The following RANBP17 variants were observed in gnomAD, a reference collection of about 807,000 sequenced individuals.
RANBP17 encodes the protein ran-binding protein 17.
A neutral mutation model predicts 141.2 loss-of-function variants in RANBP17; 158 were observed. The ratio of observed to expected loss-of-function variants is 1.12; its 90% CI spans 0.98 to 1.28. RANBP17 has a LOEUF of 1.28. Ranked by LOEUF, RANBP17 falls within the 50% of genes most tolerant of loss-of-function variation. The pLI is 0.00. For missense variants in RANBP17, 1,438 were observed against 1,290.7 expected (o/e 1.11, Z -1.75); for synonymous variants, 430 against 450.0 (o/e 0.96, Z 0.56).
intron 14 of RANBP17, among the ~76,000 whole-genome samples, chr5:171,097,832 T>C (rs1786814304): frequency 6.6e-6 from 1 of 151,786 alleles, no homozygotes; most frequent in Non-Finnish European, 1.5e-5. Context: ...TTCCCCTCCC[T>C]GTGTCCATGT....
At chr5:171,166,794 G>A (rs1433944860) in intron 14 of RANBP17, among the ~76,000 whole-genome samples, 1 of 152,128 alleles carries the variant, frequency 6.6e-6, no homozygotes, top group Non-Finnish European at 1.5e-5. Flanking sequence ...TCTTTTAAAA[G>A]AAACACTGTA....
chr5:171,061,596 T>C (rs1253646147), intron 14 of RANBP17, among the ~76,000 whole-genome samples: 1 of 152,174 alleles, frequency 6.6e-6, no homozygotes, highest in African/African-American at 2.4e-5. Context: ...GTGGTGAATT[T>C]TGGAATAGGT....
chr5:170,978,521 A>G (rs1404372910), intron 14 of RANBP17, among the ~76,000 whole-genome samples: 1 of 152,204 alleles, frequency 6.6e-6, no homozygotes, highest in Admixed American at 6.5e-5. Flanking sequence ...ACGATTTAAA[A>G]AAAGAAAAAC....
chr5:171,221,374 T>C (rs1763544143), intron 21 of RANBP17, among the ~76,000 whole-genome samples: 1 of 152,192 alleles, frequency 6.6e-6, no homozygotes, highest in Non-Finnish European at 1.5e-5. Context: ...GTAGGAAATC[T>C]CAAATGGAAA....
At chr5:171,017,931 T>A (rs1780566454) in intron 14 of RANBP17, among the ~76,000 whole-genome samples, 1 of 152,176 alleles carries the variant, frequency 6.6e-6, no homozygotes, top group East Asian at 1.9e-4. Context: ...AATTTTTGTA[T>A]AAGGTGTAAG....
At chr5:170,955,576 C>CTG (rs1282108015) in intron 13 of RANBP17, among the ~76,000 whole-genome samples, 923 of 17,198 alleles carry the variant, frequency 0.054, 58 homozygotes, top group African/African-American at 0.092. Context: ...TATGCTCAGT[C>CTG]TGTGTGTATA....
chr5:171,064,721 A>G (rs777927702), intron 14 of RANBP17, among the ~76,000 whole-genome samples: 106 of 151,870 alleles, frequency 7.0e-4, no homozygotes, highest in Non-Finnish European at 1.4e-3. Context: ...GGGTTTCTCC[A>G]TGTTGCGTAG....
Position 171,205,562 on chromosome 5 carries a change from T to A in RANBP17, c.2181T>A (p.Ile727=), listed in dbSNP as rs1202688921. Residue 727 remains isoleucine, a synonymous_variant, in exon 20 of 28, where the codon ATT becomes ATA. Coordinates refer to ENST00000523189, the MANE Select transcript of RANBP17 (RefSeq NM_022897.5). Reference sequence around the variant, plus strand: ...GGCTGGCAAGAGATCTTCGAGGGATTGCCTTTGCACTGAACACAAAGACCA... The same window carrying A: ...GGCTGGCAAGAGATCTTCGAGGGATAGCCTTTGCACTGAACACAAAGACCA... ...LIGLARDLRG[I]AFALNTKTSY... is the part of the protein sequence containing the mutation. 2.5e-6 allele frequency: 4 copies of A among 1,613,932 alleles called. No individual in the cohort carries two copies. The highest frequency in any genetic ancestry group is 3.4e-6 in the Non-Finnish European group (4 of 1,179,966).
chr5:171,297,078 G>C (rs1768865998), intron 27 of RANBP17, among the ~76,000 whole-genome samples: 1 of 152,194 alleles, frequency 6.6e-6, no homozygotes, highest in Non-Finnish European at 1.5e-5. Context: ...ACAGAACGCA[G>C]TGAAACATGG....
intron 14 of RANBP17, among the ~76,000 whole-genome samples, chr5:171,065,883 C>T (rs765235980): frequency 1.2e-4 from 18 of 151,552 alleles, no homozygotes; most frequent in Non-Finnish European, 1.6e-4. Context: ...TTTTTTGAGA[C>T]GGAGTCTCAC....
chr5:171,237,302 A>G (rs912325474), intron 22 of RANBP17, among the ~76,000 whole-genome samples: 1 of 152,206 alleles, frequency 6.6e-6, no homozygotes, highest in Non-Finnish European at 1.5e-5. Flanking sequence ...TATTTCTAAT[A>G]AGCCAAATTA....
rs374186703 is a variant in RANBP17 at position 170,931,489 on chromosome 5, A to G, written c.1468+6939A>G. The stretch of plus-strand genomic sequence containing the variant: ...AGAAATGAAGTCCTTGCCCATGCCT[A>G]TGTCCTGAATGGTATTGCTTAGGTT... On this transcript the variant is annotated intron_variant, in intron 12 of 27. Coordinates refer to ENST00000523189, the MANE Select transcript of RANBP17 (RefSeq NM_022897.5). Among the ~76,000 whole-genome samples the G allele has an allele frequency of 2.6e-4, 39 of 152,322 alleles. 1 individual carries two copies. In the East Asian group the frequency reaches 6.0e-3, roughly 23 times the overall value.
chr5:171,149,759 C>CTTAAAT (rs1291971647), intron 14 of RANBP17, among the ~76,000 whole-genome samples: 1 of 152,186 alleles, frequency 6.6e-6, no homozygotes. Flanking sequence ...AAATAATTCT[C>CTTAAAT]TTAAATCTAT....
intron 16 of RANBP17, among the ~76,000 whole-genome samples, chr5:171,178,800 T>G (rs1440437042): frequency 6.6e-6 from 1 of 152,260 alleles, no homozygotes; most frequent in Non-Finnish European, 1.5e-5. Context: ...CATATGGTTG[T>G]TGGCCACATA....
At chr5:170,977,757 A>G (rs1777484068) in intron 14 of RANBP17, among the ~76,000 whole-genome samples, 1 of 152,140 alleles carries the variant, frequency 6.6e-6, no homozygotes, top group African/African-American at 2.4e-5. Context: ...AACAAATACC[A>G]CATGATTCCA....
chr5:171,091,637 G>A lies in RANBP17; in HGVS notation c.1711-78493G>A, dbSNP rs375588359. Among the ~76,000 whole-genome samples, 8 of 152,306 alleles carry A rather than the reference G, an allele frequency of 5.3e-5. No homozygotes were observed. In the East Asian group the frequency reaches 1.4e-3, roughly 26 times the overall value. Reference sequence around the variant, plus strand: ...CCCAAATCTCATCTTGAATTCCCATGTGTTGTGGGAGGGACCTGGTGGGAG... The same window carrying A: ...CCCAAATCTCATCTTGAATTCCCATATGTTGTGGGAGGGACCTGGTGGGAG... On this transcript the variant is annotated intron_variant, in intron 14 of 27. Transcript: ENST00000523189.
At chr5:171,170,470 T>C (rs770489490) in intron 15 of RANBP17, among the ~76,000 whole-genome samples, 1 of 151,998 alleles carries the variant, frequency 6.6e-6, no homozygotes, top group Non-Finnish European at 1.5e-5. Flanking sequence ...TTACAGACCT[T>C]GACTCTTCAG....
At chr5:171,213,794 A>C in intron 21 of RANBP17, 56 bp downstream of exon 21, 19 of 1,266,458 alleles carry the variant, frequency 1.5e-5, no homozygotes, top group Non-Finnish European at 2.2e-5. Flanking sequence ...GAAATCTCCA[A>C]CAGTCAGACT....
chr5:171,046,355 C>T (rs1176699519), intron 14 of RANBP17, among the ~76,000 whole-genome samples: 7 of 151,626 alleles, frequency 4.6e-5, no homozygotes, highest in East Asian at 1.9e-4. Context: ...ACTACAGGCA[C>T]GCTCCACCAC....
Sources: allele counts gnomAD v4.1 joint callset (sites outside exome capture counted in the v4.1 genomes callset), GRCh38; gene constraint gnomAD v4.1.1; transcripts MANE v1.5; gene names NCBI Gene and HGNC (gene_info 2026-07-23, HGNC 2026-07-21).